The following PHF21A variants were observed in gnomAD, a reference collection of about 807,000 sequenced individuals.
The protein encoded by PHF21A is PHD finger protein 21A, also known as BHC80a.
In PHF21A, 11 loss-of-function variants were observed where a neutral mutation model predicts 82.5. The ratio of observed to expected loss-of-function variants is 0.13; its 90% CI spans 0.08 to 0.22. The LOEUF is 0.22. Among genes scored for constraint, PHF21A ranks in the 10% least tolerant of loss-of-function variants. The probability of loss-of-function intolerance (pLI) is 1.00; values close to 1 mark genes in which losing one functional copy is unlikely to be tolerated. For synonymous variants in PHF21A, 297 were observed against 302.8 expected (o/e 0.98, Z 0.20); for missense variants, 579 against 837.8 (o/e 0.69, Z 3.81).
In PHF21A at chr11:46,024,105, G is replaced by A. The variant is rs192712036; in HGVS notation, c.154-44139C>T. On this transcript the variant is annotated intron_variant, in intron 6 of 18. Transcript: ENST00000676320. ...GAAAGCAAGGAAAGGGCAAGGTGGT[G>A]TCTGGGGATATCTCCCAGCTTAATG... is the stretch of plus-strand genomic sequence containing the variant. Among the ~76,000 whole-genome samples, 5 of 152,368 alleles carry A rather than the reference G, an allele frequency of 3.3e-5. No individual in the cohort carries two copies. The East Asian group carries it at 9.6e-4, about 29-fold the overall frequency.
intron 1 of PHF21A, among the ~76,000 whole-genome samples, chr11:46,110,666 GA>G (rs1251823469): frequency 6.6e-6 from 1 of 152,086 alleles, no homozygotes; most frequent in Non-Finnish European, 1.5e-5. Flanking sequence ...ATTAGGTCTT[GA>G]AAAGACAAAT....
chr11:46,106,344 C>CT (rs1566023841), intron 1 of PHF21A, among the ~76,000 whole-genome samples: 2 of 152,182 alleles, frequency 1.3e-5, no homozygotes, highest in South Asian at 4.1e-4. Context: ...TTAAAACTCT[C>CT]TAACAGCAAT....
chr11:45,971,890 C>CTTTTTTTTTTTTTTTTTTTTTTTT (rs377734291), intron 7 of PHF21A, among the ~76,000 whole-genome samples: 31 of 50,240 alleles, frequency 6.2e-4, no homozygotes, highest in Non-Finnish European at 9.7e-4. Context: ...CTTTTTCTTT[C>CTTTTTTTTTTTTTTTTTTTTTTTT]TTTTTTTTTT....
chr11:46,102,784 C>T (rs1360492630), intron 1 of PHF21A, among the ~76,000 whole-genome samples: 1 of 152,170 alleles, frequency 6.6e-6, no homozygotes, highest in Non-Finnish European at 1.5e-5. Flanking sequence ...TCTCCAAATT[C>T]CAGCTGAGGG....
intron 4 of PHF21A, among the ~76,000 whole-genome samples, chr11:46,079,851 GAGGAAAGGAA>G (rs376888297): frequency 4.7e-5 from 7 of 148,980 alleles, no homozygotes; most frequent in South Asian, 4.2e-4. Flanking sequence ...GGAAAGGAAA[GAGGAAAGGAA>G]AGGAAAGGAA....
chr11:45,971,267 G>C lies in PHF21A; in HGVS notation c.461C>G (p.Pro154Arg). ...GATGGCGGTCACCATAGCAATGGTA[G>C]GTCTCTGGCCCACCACAGAGGCAGG... is the stretch of plus-strand genomic sequence containing the variant. ...TMPASVVGQR[P>R]TIAMVTAINS... Residue 154 changes from proline (P) to arginine (R), a missense_variant, in exon 8 of 19, where the codon CCT becomes CGT. By Grantham distance (103) the Pro-to-Arg change is moderately radical. Transcript: ENST00000676320. 6.2e-7 allele frequency: 1 copy of C among 1,614,178 alleles called. No homozygotes were observed. Among genetic ancestry groups the C allele is most frequent in the South Asian group, 1.1e-5 (1 of 91,072 alleles).
At chr11:45,960,827 C>A (rs2093030216) in intron 10 of PHF21A, among the ~76,000 whole-genome samples, 1 of 152,188 alleles carries the variant, frequency 6.6e-6, no homozygotes, top group Admixed American at 6.5e-5. Flanking sequence ...TTATTTTCTG[C>A]ATATATGGTG....
chr11:45,974,232 T>C (rs879707610), intron 7 of PHF21A, among the ~76,000 whole-genome samples: 1 of 152,004 alleles, frequency 6.6e-6, no homozygotes, highest in Admixed American at 6.6e-5. Context: ...AAGACCCAGG[T>C]AGTGCTTAGA....
At chr11:45,989,539 C>T (rs1342116864) in intron 6 of PHF21A, among the ~76,000 whole-genome samples, 5 of 149,642 alleles carry the variant, frequency 3.3e-5, no homozygotes, top group East Asian at 1.9e-4. Flanking sequence ...CCTGATGTTG[C>T]GCACCTGTAG....
At chr11:46,042,791 T>C (rs2096177398) in intron 6 of PHF21A, among the ~76,000 whole-genome samples, 1 of 151,892 alleles carries the variant, frequency 6.6e-6, no homozygotes, top group African/African-American at 2.4e-5. Flanking sequence ...GATAGCACCT[T>C]CTTGCTATGT....
intron 6 of PHF21A, among the ~76,000 whole-genome samples, chr11:46,060,966 A>C (rs1233653048): frequency 6.6e-6 from 1 of 152,226 alleles, no homozygotes; most frequent in Non-Finnish European, 1.5e-5. Context: ...AGTCTAATCC[A>C]ACTAGAGTTC....
Position 45,965,362 on chromosome 11 carries a change from C to T in PHF21A, c.949G>A (p.Ala317Thr), listed in dbSNP as rs141651690. Residue 317 changes from alanine (A) to threonine (T), a missense_variant, in exon 10 of 19, where the codon GCT (alanine) becomes ACT (threonine). By Grantham distance (58) the Ala-to-Thr change is moderately conservative. This residue lies in a region of PHF21A where 410 missense variants were observed against 642.1 expected (regional missense o/e 0.64). Transcript: ENST00000676320. ...IVIATPGTRLAGPQTVQLSKP... is the reference protein window; with the variant it reads ...IVIATPGTRLTGPQTVQLSKP... ...CTAAGCTGTACAGTTTGAGGTCCAG[C>T]GAGTCTGGTCCCTGGAGTAGCTATC... The T allele has an allele frequency of 6.6e-5, 106 of 1,613,906 alleles. 1 individual carries two copies. Among genetic ancestry groups the T allele is most frequent in the African/African-American group, 6.0e-4 (45 of 74,998 alleles).
rs945386114 is a variant in PHF21A, at chr11:45,964,095, G to T, written c.996+1220C>A. On this transcript the variant is annotated intron_variant, in intron 10 of 18. Coordinates refer to ENST00000676320, the MANE Select transcript of PHF21A (RefSeq NM_001352027.3). The stretch of plus-strand genomic sequence containing the variant: ...GCCTGTAATCCCAGCTACTCAGGAG[G>T]CTGAGGCAAGGAGAATCACTTGAAC... 2.6e-5 allele frequency among the ~76,000 whole-genome samples: 4 copies of T among 151,640 alleles called. No individual in the cohort carries two copies. The East Asian group carries it at 7.7e-4, about 29-fold the overall frequency.
intron 6 of PHF21A, among the ~76,000 whole-genome samples, chr11:45,984,653 G>C (rs1420084706): frequency 6.6e-6 from 1 of 152,166 alleles, no homozygotes; most frequent in Non-Finnish European, 1.5e-5. Context: ...ACGGAGAGAC[G>C]GAAGGACTGC....
chr11:45,976,481 G>C (rs1383459453), intron 7 of PHF21A, among the ~76,000 whole-genome samples: 1 of 152,076 alleles, frequency 6.6e-6, no homozygotes, highest in Non-Finnish European at 1.5e-5. Flanking sequence ...TGATATACCA[G>C]ACTTTTGGCA....
At chr11:45,951,062 G>A (rs985156413) in intron 11 of PHF21A, among the ~76,000 whole-genome samples, 4 of 152,162 alleles carry the variant, frequency 2.6e-5, no homozygotes, top group Admixed American at 6.5e-5. Flanking sequence ...AAGATGGAAC[G>A]TTAAGACTCT....
chr11:45,989,852 A>G (rs1285756845), intron 6 of PHF21A, among the ~76,000 whole-genome samples: 2 of 151,654 alleles, frequency 1.3e-5, no homozygotes, highest in Admixed American at 6.6e-5. Context: ...TACAAAAATT[A>G]GCCAAGGATG....
At position 46,027,113 on chromosome 11, in the gene PHF21A, G is replaced by A. The variant is rs533216507; in HGVS notation, c.154-47147C>T. 1.1e-4 allele frequency: 17 copies of A among 152,228 alleles called. No individual in the cohort carries two copies. In the East Asian group the frequency reaches 2.7e-3, roughly 24 times the overall value. 9.4% of individuals were successfully genotyped at this position (152,228 alleles called of 1,614,324 possible). A position where few individuals can be genotyped will look rare whatever the true frequency, so the allele number is the denominator to read the frequency against. Reference sequence around the variant, plus strand: ...GCACACAGCACAGCAATCTAGCAACGAGCCTCCCAGATTATAAATAGGCTG... The same window carrying A: ...GCACACAGCACAGCAATCTAGCAACAAGCCTCCCAGATTATAAATAGGCTG... On this transcript the variant is annotated intron_variant, in intron 6 of 18. Transcript: ENST00000676320.
At chr11:45,985,533 T>C (rs1317360448) in intron 6 of PHF21A, among the ~76,000 whole-genome samples, 2 of 152,284 alleles carry the variant, frequency 1.3e-5, no homozygotes, top group Admixed American at 6.5e-5. Context: ...TTGGAGGGGA[T>C]AGTCCAGGCA....
Sources: gnomAD v4.1 joint callset for allele counts (sites outside exome capture counted in the v4.1 genomes callset) on GRCh38, gnomAD v4.1.1 for gene constraint, gnomAD v4.1.1 regional missense constraint, MANE v1.5 for transcripts, NCBI Gene and HGNC (gene_info 2026-07-23, HGNC 2026-07-21) for gene names.